MINAR2: variants seen among roughly 807,000 people sequenced by gnomAD.
The protein encoded by MINAR2 is major intrinsically disordered NOTCH2-binding receptor 1-like.
Under a neutral mutation model 16.1 loss-of-function variants are expected in MINAR2, and 21 were observed. The observed-to-expected ratio is 1.31, with a 90% CI of 0.93 to 1.88. The LOEUF (loss-of-function observed/expected upper bound fraction) is 1.88, where lower values mean the gene tolerates loss of function less well. Ranked by LOEUF, MINAR2 falls within the 40% of genes most tolerant of loss-of-function variation. The pLI is 0.00. For missense variants in MINAR2, 259 were observed against 229.8 expected (o/e 1.13, Z -0.82); for synonymous variants, 86 against 83.0 (o/e 1.04, Z -0.20).
intron 1 of MINAR2, among the ~76,000 whole-genome samples, chr5:129,753,059 T>C (rs796801077): frequency 3.3e-5 from 5 of 152,320 alleles, no homozygotes; most frequent in African/African-American, 1.2e-4. Flanking sequence ...TTTTTTCCCA[T>C]AAATTTCAAT....
rs1015988853 is a variant in MINAR2, at chr5:129,766,077, T to C, written c.*1014T>C. 1 of 152,230 alleles carries C rather than the reference T, an allele frequency of 6.6e-6. No individual in the cohort carries two copies. Among genetic ancestry groups the C allele is most frequent in the African/African-American group, 2.4e-5 (1 of 41,462 alleles). 9.4% of individuals were successfully genotyped at this position (152,230 alleles called of 1,614,324 possible). On this transcript the variant is annotated 3_prime_UTR_variant, in exon 3 of 3. Coordinates refer to ENST00000564719, the MANE Select transcript of MINAR2 (RefSeq NM_001257308.2). ...TTGACAACCTGAGTTTACCTTCCAT[T>C]GTCTGCAGATACCTGGGGACATGGT...
At chr5:129,752,700 T>A (rs1014434703) in intron 1 of MINAR2, among the ~76,000 whole-genome samples, 4 of 151,958 alleles carry the variant, frequency 2.6e-5, no homozygotes, top group Admixed American at 2.0e-4. Context: ...GTAACAAACC[T>A]GCATGTTCTG....
intron 2 of MINAR2, chr5:129,762,527 C>T (rs1758150543): frequency 1.9e-5 from 6 of 310,674 alleles, no homozygotes; most frequent in East Asian, 9.7e-5. Flanking sequence ...CTTCATTCTC[C>T]GTCCTAGGAA....
intron 2 of MINAR2, among the ~76,000 whole-genome samples, chr5:129,764,624 G>C (rs1026577200): frequency 3.3e-5 from 5 of 152,116 alleles, no homozygotes; most frequent in Non-Finnish European, 7.4e-5. Context: ...AATCATGAAG[G>C]CCTCCTAATT....
rs1376277643 is a variant in MINAR2 at position 129,760,488 on chromosome 5, A to G, written c.276A>G (p.Pro92=). Residue 92 remains proline, a synonymous_variant, in exon 2 of 3, where the codon CCA becomes CCG. Coordinates refer to ENST00000564719, the MANE Select transcript of MINAR2 (RefSeq NM_001257308.2). The stretch of plus-strand genomic sequence containing the variant: ...TGTCATCAGTTATGAAGAATAACCC[A>G]CTCTATGGTGACCTAAGTTTGGAGG... ...PSMSSVMKNN[P]LYGDLSLEEA... is the part of the protein sequence containing the mutation. 2 of 1,535,764 alleles carry G rather than the reference A, an allele frequency of 1.3e-6. No individual in the cohort carries two copies. Among genetic ancestry groups the G allele is most frequent in the African/African-American group, 1.4e-5 (1 of 73,102 alleles).
chr5:129,760,491 C>A lies in MINAR2; in HGVS notation c.279C>A (p.Leu93=). 1 of 1,535,728 alleles carries A rather than the reference C, an allele frequency of 6.5e-7. No homozygotes were observed. Among genetic ancestry groups the A allele is most frequent in the East Asian group, 2.4e-5 (1 of 40,904 alleles). Residue 93 remains leucine (L), a synonymous_variant, in exon 2 of 3, where the codon CTC becomes CTA. Transcript: ENST00000564719. The stretch of plus-strand genomic sequence containing the variant: ...CATCAGTTATGAAGAATAACCCACT[C>A]TATGGTGACCTAAGTTTGGAGGAAG... ...SMSSVMKNNP[L]YGDLSLEEAM... is the part of the protein sequence containing the mutation.
chr5:129,761,389 A>G (rs1298812530), intron 2 of MINAR2, among the ~76,000 whole-genome samples: 1 of 152,052 alleles, frequency 6.6e-6, no homozygotes, highest in Non-Finnish European at 1.5e-5. Context: ...ATGTTTATCT[A>G]AGCTAAGCCC....
rs35872824 is a variant in MINAR2 at position 129,766,634 on chromosome 5, T to TAAAAAAAAAAAAAAAAAAAAAAA, written c.*1593_*1594insAAAAAAAAAAAAAAAAAAAAAAA. 5.4e-4 allele frequency: 56 copies of TAAAAAAAAAAAAAAAAAAAAAAA among 103,542 alleles called. No homozygotes were observed. The highest frequency in any genetic ancestry group is 2.2e-3 in the East Asian group (7 of 3,234). The allele number at this position is 103,542 out of a possible 1,614,324, so 6.4% of individuals were successfully genotyped here. ...CCTGGGTGACAGAGTGAGACTTCCA[T>TAAAAAAAAAAAAAAAAAAAAAAA]AAAAAAAAAAAAAAAAAAAAAACAA... On this transcript the variant is annotated 3_prime_UTR_variant, in exon 3 of 3. Coordinates refer to ENST00000564719, the MANE Select transcript of MINAR2 (RefSeq NM_001257308.2).
intron 1 of MINAR2, among the ~76,000 whole-genome samples, chr5:129,753,255 G>T (rs558645799): frequency 1.3e-4 from 19 of 151,920 alleles, no homozygotes; most frequent in Middle Eastern, 6.8e-3. Context: ...AGGCTGAGGC[G>T]GGCAGATCAC....
chr5:129,755,699 A>T (rs1758046415), intron 1 of MINAR2, among the ~76,000 whole-genome samples: 1 of 151,980 alleles, frequency 6.6e-6, no homozygotes, highest in Non-Finnish European at 1.5e-5. Context: ...TTGTGTCTCT[A>T]TTATTTTTCT....
chr5:129,764,358 G>T (rs1758180188), intron 2 of MINAR2, among the ~76,000 whole-genome samples: 1 of 152,150 alleles, frequency 6.6e-6, no homozygotes, highest in African/African-American at 2.4e-5. Flanking sequence ...AGAGACTCCT[G>T]ACTTTTAGCC....
At chr5:129,748,424 A>T in intron 1 of MINAR2, 69 bp downstream of exon 1, 1 of 1,461,728 alleles carries the variant, frequency 6.8e-7, no homozygotes, top group Non-Finnish European at 9.1e-7. Context: ...CCATTTCACC[A>T]TTTATGCAAC....
At chr5:129,763,129 C>T (rs1018107787) in intron 2 of MINAR2, among the ~76,000 whole-genome samples, 3 of 152,102 alleles carry the variant, frequency 2.0e-5, no homozygotes, top group Non-Finnish European at 4.4e-5. Flanking sequence ...CCATGTTTTA[C>T]TACAATTAGG....
At position 129,748,147 on chromosome 5, in the gene MINAR2, G is replaced by C. The variant is rs531694356; in HGVS notation, c.-44G>C. Reference sequence around the variant, plus strand: ...TTAATAATGGAGGAGTCTGACAAGAGCAGCTTTGCCTGTCTTTGTTTTCCA... The same window carrying C: ...TTAATAATGGAGGAGTCTGACAAGACCAGCTTTGCCTGTCTTTGTTTTCCA... On this transcript the variant is annotated 5_prime_UTR_variant, in exon 1 of 3. Coordinates refer to ENST00000564719, the MANE Select transcript of MINAR2 (RefSeq NM_001257308.2). The C allele has an allele frequency of 2.8e-5, 43 of 1,518,144 alleles. No individual in the cohort carries two copies. The East Asian group carries it at 6.6e-4, about 23-fold the overall frequency. The allele number at this position is 1,518,144 out of a possible 1,614,324, so 94.0% of individuals were successfully genotyped here.
At chr5:129,748,429 T>C (rs936911086) in intron 1 of MINAR2, 74 bp downstream of exon 1, 5 of 1,446,088 alleles carry the variant, frequency 3.5e-6, no homozygotes, top group African/African-American at 2.8e-5. Flanking sequence ...TCACCATTTA[T>C]GCAACAAGAA....
At chr5:129,755,759 C>T (rs1293567094) in intron 1 of MINAR2, among the ~76,000 whole-genome samples, 3 of 151,988 alleles carry the variant, frequency 2.0e-5, no homozygotes, top group Non-Finnish European at 4.4e-5. Context: ...AATGAAATAG[C>T]TTTCAACTTT....
intron 1 of MINAR2, among the ~76,000 whole-genome samples, chr5:129,753,211 G>T (rs950218000): frequency 6.6e-6 from 1 of 152,002 alleles, no homozygotes; most frequent in African/African-American, 2.4e-5. Flanking sequence ...GGGGCCGGGT[G>T]CCATGGCTCA....
At position 129,763,213 on chromosome 5, in the gene MINAR2, G is replaced by T. The variant is rs117063387; in HGVS notation, c.394-1671G>T. Among the ~76,000 whole-genome samples the T allele has an allele frequency of 8.3e-4, 127 of 152,252 alleles. 1 individual carries two copies. In the East Asian group the frequency reaches 0.024, roughly 29 times the overall value. ...TAAAGCAGTGGACTCTGAGGTCTGA[G>T]GCCTGTTTTACAGGTCTCATAAGGT... On this transcript the variant is annotated intron_variant, in intron 2 of 2. Transcript: ENST00000564719.
intron 1 of MINAR2, among the ~76,000 whole-genome samples, chr5:129,751,164 C>T (rs1460407563): frequency 6.6e-6 from 1 of 152,090 alleles, no homozygotes; most frequent in East Asian, 1.9e-4. Flanking sequence ...GCAGAGGAAA[C>T]TCTCCTGGTC....
Sources: gnomAD v4.1 joint callset for allele counts (sites outside exome capture counted in the v4.1 genomes callset) on GRCh38, gnomAD v4.1.1 for gene constraint, MANE v1.5 for transcripts, NCBI Gene and HGNC (gene_info 2026-07-23, HGNC 2026-07-21) for gene names.